The following GMDS variants were observed in gnomAD, a reference collection of about 807,000 sequenced individuals.
The protein encoded by GMDS is GDP-mannose 4,6 dehydratase.
GMDS carries 20 observed loss-of-function variants against 49.9 expected under a neutral mutation model. The ratio of observed to expected loss-of-function variants is 0.40; its 90% confidence interval spans 0.28 to 0.58. The LOEUF is 0.58. Among genes scored for constraint, GMDS ranks in the 20% least tolerant of loss-of-function variants. The pLI is 0.42. For synonymous variants in GMDS, 177 were observed against 178.6 expected, an observed-to-expected ratio of 0.99 and a Z score of 0.07; for missense variants, 362 against 481.4, an observed-to-expected ratio of 0.75 and a Z score of 2.32.
intron 6 of GMDS, among the ~76,000 whole-genome samples, chr6:1,956,246 C>T (rs1233350941): frequency 6.6e-6 from 1 of 152,164 alleles, no homozygotes; most frequent in Non-Finnish European, 1.5e-5. Context: ...ATTTTAGGCT[C>T]TGCACACTAC....
At chr6:2,136,071 A>G (rs1037672617) in intron 1 of GMDS, among the ~76,000 whole-genome samples, 2 of 152,180 alleles carry the variant, frequency 1.3e-5, no homozygotes, top group African/African-American at 4.8e-5. Context: ...ACTGTAGGCA[A>G]CTGTCGCACT....
intron 4 of GMDS, among the ~76,000 whole-genome samples, chr6:1,963,444 T>C (rs1353896595): frequency 6.6e-6 from 1 of 152,218 alleles, no homozygotes; most frequent in Non-Finnish European, 1.5e-5. Context: ...CAATGTTATA[T>C]CTAAGAATAC....
intron 9 of GMDS, among the ~76,000 whole-genome samples, chr6:1,667,517 T>C (rs1561713023): frequency 6.6e-6 from 1 of 152,288 alleles, no homozygotes; most frequent in East Asian, 1.9e-4. Context: ...AGCCTAAACA[T>C]TTTTTAACAG....
intron 9 of GMDS, among the ~76,000 whole-genome samples, chr6:1,715,701 G>T: frequency 6.6e-6 from 1 of 152,220 alleles, no homozygotes; most frequent in East Asian, 1.9e-4. Flanking sequence ...GGAGCTTCTA[G>T]AAGACTTCAA....
intron 1 of GMDS, among the ~76,000 whole-genome samples, chr6:2,207,724 T>C (rs1222667938): frequency 6.6e-6 from 1 of 151,874 alleles, no homozygotes; most frequent in African/African-American, 2.4e-5. Context: ...TACGTAAAAA[T>C]AAAAGTGATT....
intron 1 of GMDS, among the ~76,000 whole-genome samples, chr6:2,174,869 G>A (rs146253347): frequency 6.5e-4 from 98 of 151,882 alleles, no homozygotes; most frequent in African/African-American, 1.7e-3. Flanking sequence ...ATGCCTGGCC[G>A]AATGGTGCCT....
chr6:1,672,111 G>A (rs1764451669), intron 9 of GMDS, among the ~76,000 whole-genome samples: 1 of 152,122 alleles, frequency 6.6e-6, no homozygotes, highest in African/African-American at 2.4e-5. Context: ...GTTTTTTCCT[G>A]GATTAGACAA....
At chr6:2,025,656 C>A (rs1290385254) in intron 4 of GMDS, among the ~76,000 whole-genome samples, 2 of 152,136 alleles carry the variant, frequency 1.3e-5, no homozygotes, top group East Asian at 3.9e-4. Context: ...TTTCCTAATA[C>A]TTGTACCTTA....
intron 1 of GMDS, among the ~76,000 whole-genome samples, chr6:2,227,153 T>G (rs924618839): frequency 2.0e-5 from 3 of 152,156 alleles, no homozygotes; most frequent in East Asian, 3.9e-4. Flanking sequence ...TTTACTATTC[T>G]GAATAAATGT....
intron 9 of GMDS, among the ~76,000 whole-genome samples, chr6:1,652,433 A>ATTAT (rs1763694221): frequency 5.3e-5 from 1 of 18,754 alleles, no homozygotes; most frequent in African/African-American, 1.9e-4. Flanking sequence ...TATATAATAT[A>ATTAT]TTATATATAT....
At chr6:2,235,220 G>C (rs1368808371) in intron 1 of GMDS, among the ~76,000 whole-genome samples, 1 of 152,208 alleles carries the variant, frequency 6.6e-6, no homozygotes, top group African/African-American at 2.4e-5. Context: ...GGGGTGATGG[G>C]GAAGCAGGCA....
At chr6:1,767,226 TA>T (rs1768392939) in intron 7 of GMDS, among the ~76,000 whole-genome samples, 1 of 151,144 alleles carries the variant, frequency 6.6e-6, no homozygotes, top group Admixed American at 6.6e-5. Context: ...ATTAAACGCA[TA>T]AAAGAAAATA....
At chr6:1,674,688 T>G (rs993027861) in intron 9 of GMDS, among the ~76,000 whole-genome samples, 2 of 144,866 alleles carry the variant, frequency 1.4e-5, no homozygotes, top group African/African-American at 5.1e-5. Context: ...CACCTCAGTC[T>G]CCCAGGTAGC....
intron 4 of GMDS, among the ~76,000 whole-genome samples, chr6:2,027,905 T>A (rs969225590): frequency 6.6e-6 from 1 of 152,152 alleles, no homozygotes; most frequent in African/African-American, 2.4e-5. Flanking sequence ...ATATATAAAC[T>A]CATTGCCACT....
chr6:2,177,952 G>A (rs1363123719), intron 1 of GMDS, among the ~76,000 whole-genome samples: 1 of 152,182 alleles, frequency 6.6e-6, no homozygotes, highest in Admixed American at 6.5e-5. Flanking sequence ...ATACTATTCA[G>A]CCATAAAAAA....
intron 1 of GMDS, among the ~76,000 whole-genome samples, chr6:2,152,519 T>G (rs943799550): frequency 6.6e-6 from 1 of 152,076 alleles, no homozygotes; most frequent in Non-Finnish European, 1.5e-5. Context: ...AGCAACAAAT[T>G]TGAACACTTA....
intron 7 of GMDS, among the ~76,000 whole-genome samples, chr6:1,779,176 G>C (rs1394501848): frequency 6.6e-6 from 1 of 152,180 alleles, no homozygotes; most frequent in Non-Finnish European, 1.5e-5. Context: ...TCATGCTGGA[G>C]GACTTTCTGT....
intron 9 of GMDS, among the ~76,000 whole-genome samples, chr6:1,641,975 C>T (rs147887308): frequency 8.1e-4 from 123 of 152,140 alleles, no homozygotes; most frequent in African/African-American, 2.9e-3. Context: ...AGAAGGCCCT[C>T]GTTTCACCTG....
At chr6:2,169,160 C>T (rs1274128732) in intron 1 of GMDS, among the ~76,000 whole-genome samples, 3 of 152,022 alleles carry the variant, frequency 2.0e-5, no homozygotes, top group Non-Finnish European at 2.9e-5. Context: ...TAAATTCACC[C>T]AACATGAGTC....
Sources: gnomAD v4.1 joint callset for allele counts (sites outside exome capture counted in the v4.1 genomes callset) on GRCh38, gnomAD v4.1.1 for gene constraint, MANE v1.5 for transcripts, NCBI Gene and HGNC (gene_info 2026-07-23, HGNC 2026-07-21) for gene names.